The following FAAH2 variants were observed in gnomAD, a reference collection of about 807,000 sequenced individuals.
FAAH2 encodes fatty acid amide hydrolase 2.
FAAH2 carries 60 observed loss-of-function variants against 36.9 expected under a neutral mutation model. The observed-to-expected ratio is 1.63, with a 90% CI of 1.32 to 2.02. FAAH2 has a LOEUF of 2.02. Among genes scored for constraint, FAAH2 ranks in the 30% most tolerant of loss-of-function variants. The pLI is 0.00. For synonymous variants in FAAH2, 214 were observed against 143.8 expected (o/e 1.49, Z -3.49); for missense variants, 689 against 397.5 (o/e 1.73, Z -6.23).
At position 57,411,571 on chromosome X, in the gene FAAH2, T is replaced by C. The variant is rs772089126; in HGVS notation, c.997-20347T>C. On this transcript the variant is annotated intron_variant, in intron 7 of 10. Coordinates refer to ENST00000374900, the MANE Select transcript of FAAH2 (RefSeq NM_174912.4). ...TGTGTATTGCATGCTGGCTCTTATG[T>C]GTTTCCTCTCCTTTTCACTGCTCCT... is the stretch of plus-strand genomic sequence containing the variant. 3.6e-5 allele frequency among the ~76,000 whole-genome samples: 4 copies of C among 111,884 alleles called. No individual in the cohort carries two copies. In the South Asian group the frequency reaches 1.5e-3, roughly 42 times the overall value.
At chrX:57,191,672 A>C in the FAAH2 span, among the ~76,000 whole-genome samples, 1 of 111,931 alleles carries the variant, frequency 8.9e-6, no homozygotes, top group Non-Finnish European at 1.9e-5. Context: ...AAATTGTAAG[A>C]GATAGGGTTC....
At chrX:57,135,948 G>T in the FAAH2 span, 2 of 1,207,115 alleles carry the variant, frequency 1.7e-6, no homozygotes, top group Non-Finnish European at 2.2e-6. Context: ...ATCTTCTTTG[G>T]TATATTCCAC....
At chrX:57,433,665 C>G (rs765996331) in intron 8 of FAAH2, among the ~76,000 whole-genome samples, 1 of 112,071 alleles carries the variant, frequency 8.9e-6, no homozygotes. Context: ...CAACAAAGTA[C>G]TTTAAACTAT....
chrX:57,301,324 A>T (rs1417869119), intron 2 of FAAH2, among the ~76,000 whole-genome samples: 1 of 109,828 alleles, frequency 9.1e-6, no homozygotes, highest in East Asian at 2.9e-4. Flanking sequence ...GACATGGATG[A>T]AGCTGGAAAC....
chrX:57,184,931 G>GT, the FAAH2 span, among the ~76,000 whole-genome samples: 7 of 111,335 alleles, frequency 6.3e-5, no homozygotes, highest in Admixed American at 1.9e-4. Flanking sequence ...ACATGCTTTA[G>GT]TTTTTTTATT....
intron 7 of FAAH2, among the ~76,000 whole-genome samples, chrX:57,416,883 C>T (rs762899255): frequency 1.5e-4 from 17 of 112,181 alleles, no homozygotes; most frequent in African/African-American, 5.5e-4. Flanking sequence ...TAGGTTTGGT[C>T]TTTTCACATA....
intron 7 of FAAH2, among the ~76,000 whole-genome samples, chrX:57,417,927 C>T (rs756720097): frequency 2.7e-4 from 30 of 111,843 alleles, no homozygotes; most frequent in Admixed American, 4.7e-4. Flanking sequence ...AGATGCCCTT[C>T]CAAGTGAGGA....
chrX:57,358,520 C>T, intron 5 of FAAH2, among the ~76,000 whole-genome samples: 1 of 111,016 alleles, frequency 9.0e-6, no homozygotes, highest in Non-Finnish European at 1.9e-5. Flanking sequence ...TGCAAGGTTT[C>T]CTTGTTTATG....
chrX:57,127,025 C>T, the FAAH2 span: 1 of 111,119 alleles, frequency 9.0e-6, no homozygotes, highest in Admixed American at 9.6e-5. Context: ...ATCATACCAT[C>T]CCTGGAGTCC....
the FAAH2 span, among the ~76,000 whole-genome samples, chrX:57,163,933 A>G: frequency 8.9e-6 from 1 of 112,407 alleles, no homozygotes; most frequent in African/African-American, 3.2e-5. Context: ...AACAAATGGA[A>G]AACAAAACAA....
At chrX:57,341,418 T>A in intron 5 of FAAH2, 28 bp downstream of exon 5, 1 of 1,191,959 alleles carries the variant, frequency 8.4e-7, no homozygotes, top group Non-Finnish European at 1.1e-6. Flanking sequence ...AGAAGGGTGG[T>A]TCTACTTTTA....
rs1208279088 is a variant in FAAH2 at position 57,437,742 on chromosome X, TTATTTA to T, written c.1116+5722_1116+5727del. The stretch of plus-strand genomic sequence containing the variant: ...ATTTATATATTATATATTATATATA[TTATTTA>T]TATTTATATTTATATTGAAATATAA... On this transcript the variant is annotated intron_variant, in intron 8 of 10. Coordinates refer to ENST00000374900, the MANE Select transcript of FAAH2 (RefSeq NM_174912.4). 1.6e-4 allele frequency among the ~76,000 whole-genome samples: 16 copies of T among 103,066 alleles called. No individual in the cohort carries two copies. In the East Asian group the frequency reaches 2.4e-3, roughly 15 times the overall value. 89.5% of individuals were successfully genotyped at this position (103,066 alleles called of 115,157 possible).
rs746695435 is a variant in FAAH2, at chrX:57,331,759, C to T, written c.574C>T (p.Arg192Ter). Reference protein sequence around the residue: ...WYESSNKIYGRSNNPYDLQHI... With the variant: ...WYESSNKIYG Reference sequence around the variant, plus strand: ...TGAATCCAGTAACAAGATCTATGGCCGATCAAACAACCCATATGATTTACA... The same window carrying T: ...TGAATCCAGTAACAAGATCTATGGCTGATCAAACAACCCATATGATTTACA... The change falls in exon 4 of 11, where the codon CGA becomes TGA. Residue 192 changes from arginine (R) to a stop codon, truncating the protein, a stop_gained. Transcript: ENST00000374900. LOFTEE classifies it high-confidence loss of function. The T allele has an allele frequency of 2.6e-5, 32 of 1,209,175 alleles. No homozygotes were observed. The highest frequency in any genetic ancestry group is 3.5e-5 in the African/African-American group (2 of 56,940).
intron 8 of FAAH2, among the ~76,000 whole-genome samples, chrX:57,432,700 A>C (rs940656528): frequency 1.8e-5 from 2 of 111,261 alleles, no homozygotes; most frequent in Admixed American, 9.6e-5. Flanking sequence ...CATTCTGGAG[A>C]ATTTAACTTT....
At chrX:57,150,571 T>C in the FAAH2 span, among the ~76,000 whole-genome samples, 1 of 112,044 alleles carries the variant, frequency 8.9e-6, no homozygotes, top group East Asian at 2.8e-4. Context: ...TATCAGAGAC[T>C]AGGATTGCAA....
intron 7 of FAAH2, among the ~76,000 whole-genome samples, chrX:57,425,985 G>A (rs1388190407): frequency 1.8e-5 from 2 of 112,021 alleles, no homozygotes; most frequent in African/African-American, 6.5e-5. Flanking sequence ...ATAGACTGAA[G>A]GTAATGGGTG....
At chrX:57,455,765 C>T (rs1038270536) in intron 10 of FAAH2, among the ~76,000 whole-genome samples, 1 of 112,066 alleles carries the variant, frequency 8.9e-6, no homozygotes, top group Non-Finnish European at 1.9e-5. Context: ...CTATCCTAAA[C>T]ATATACACAC....
At chrX:57,197,746 C>T in the FAAH2 span, among the ~76,000 whole-genome samples, 3 of 111,404 alleles carry the variant, frequency 2.7e-5, no homozygotes, top group South Asian at 1.1e-3. Context: ...GGTCTCTTGG[C>T]CATGGATCCT....
At chrX:57,330,149 T>A (rs769164742) in intron 3 of FAAH2, among the ~76,000 whole-genome samples, 9 of 111,681 alleles carry the variant, frequency 8.1e-5, no homozygotes, top group Non-Finnish European at 1.7e-4. Context: ...AACCTTAAAC[T>A]CTGACCACCG....
Sources: gnomAD v4.1 joint callset for allele counts (sites outside exome capture counted in the v4.1 genomes callset) on GRCh38, gnomAD v4.1.1 for gene constraint, MANE v1.5 for transcripts, NCBI Gene and HGNC (gene_info 2026-07-23, HGNC 2026-07-21) for gene names.